The following CDKL1 variants were observed in gnomAD, a reference collection of about 807,000 sequenced individuals.
The protein encoded by CDKL1 is cyclin-dependent kinase-like 1.
A neutral mutation model predicts 42.0 loss-of-function variants in CDKL1; 41 were observed. The ratio of observed to expected loss-of-function variants is 0.98; its 90% CI spans 0.76 to 1.27. The LOEUF (loss-of-function observed/expected upper bound fraction) is 1.27. Among genes scored for constraint, CDKL1 ranks in the 50% most tolerant of loss-of-function variants. The pLI, the probability that CDKL1 is intolerant of heterozygous loss-of-function variation, is 0.00. For synonymous variants in CDKL1, 153 were observed against 158.6 expected (o/e 0.96, Z 0.26); for missense variants, 394 against 428.4 (o/e 0.92, Z 0.71).
intron 2 of CDKL1, among the ~76,000 whole-genome samples, chr14:50,390,710 C>T (rs781661305): frequency 6.6e-5 from 10 of 152,208 alleles, no homozygotes; most frequent in Non-Finnish European, 8.8e-5. Flanking sequence ...TGCCCCTTGC[C>T]GGACACACAG....
At position 50,341,148 on chromosome 14, in the gene CDKL1, C is replaced by T. The variant is rs1168735443; in HGVS notation, c.539G>A (p.Gly180Asp). ...AATTGCCCAAACATCCACCGGGGGG[C>T]CGTACTGCGTGTCCCCCACCAGCAG... ...PELLVGDTQY[G>D]PPVDVWAIGC... Residue 180 changes from glycine (G) to aspartate (D), a missense_variant, in exon 6 of 10, where the codon GGC becomes GAC. By Grantham distance (94) the Gly-to-Asp change is moderately conservative. Transcript: ENST00000395834. 6.2e-7 allele frequency: 1 copy of T among 1,614,158 alleles called. No homozygotes were observed. Among genetic ancestry groups the T allele is most frequent in the South Asian group, 1.1e-5 (1 of 91,084 alleles).
At chr14:50,344,496 G>A (rs1292127149) in intron 4 of CDKL1, among the ~76,000 whole-genome samples, 1 of 143,498 alleles carries the variant, frequency 7.0e-6, no homozygotes, top group Non-Finnish European at 1.5e-5. Context: ...TTGAGACAGG[G>A]TCTCATTCTG....
intron 2 of CDKL1, chr14:50,390,438 A>G (rs992200274): frequency 1.5e-6 from 2 of 1,300,554 alleles, no homozygotes; most frequent in African/African-American, 3.1e-5. Flanking sequence ...GTTCAGCAGC[A>G]TAGGGGCTTG....
intron 2 of CDKL1, among the ~76,000 whole-genome samples, chr14:50,393,633 C>G (rs1595385167): frequency 1.3e-5 from 2 of 152,306 alleles, no homozygotes; most frequent in Non-Finnish European, 2.9e-5. Flanking sequence ...CAGGCACGCA[C>G]CACCATGCCC....
At chr14:50,387,206 TA>T (rs34024517) in intron 2 of CDKL1, among the ~76,000 whole-genome samples, 116 of 80,820 alleles carry the variant, frequency 1.4e-3, no homozygotes, top group Non-Finnish European at 1.6e-3. Flanking sequence ...GACCCTGTCT[TA>T]AAAAAAAAAA....
chr14:50,384,957 G>C (rs2035029494), intron 2 of CDKL1, among the ~76,000 whole-genome samples: 2 of 151,596 alleles, frequency 1.3e-5, no homozygotes, highest in Admixed American at 6.6e-5. Flanking sequence ...TGTGATTCCA[G>C]CCACTCAGGA....
At chr14:50,385,719 G>A (rs750006318) in intron 2 of CDKL1, among the ~76,000 whole-genome samples, 6 of 148,206 alleles carry the variant, frequency 4.0e-5, no homozygotes, top group East Asian at 2.0e-4. Flanking sequence ...CACGAGAATC[G>A]CTTGAGCCCA....
At position 50,332,278 on chromosome 14, in the gene CDKL1, A is replaced by G; in HGVS notation, c.950T>C (p.Phe317Ser). The G allele has an allele frequency of 6.2e-7, 1 of 1,614,112 alleles. No individual in the cohort carries two copies. Among genetic ancestry groups the G allele is most frequent in the Non-Finnish European group, 8.5e-7 (1 of 1,180,008 alleles). Reference sequence around the variant, plus strand: ...AATTATAACCTTGGATGTTTCTGTAAAGCAGTGGTGCTTTCGGCTCTTTCT... The same window carrying G: ...AATTATAACCTTGGATGTTTCTGTAGAGCAGTGGTGCTTTCGGCTCTTTCT... ...TLRKSRKHHCFTETSKLQYLP... is the reference protein window; with the variant it reads ...TLRKSRKHHCSTETSKLQYLP... Residue 317 changes from phenylalanine to serine, a missense_variant, in exon 9 of 10, where the codon TTT becomes TCT. Physicochemically the swap from Phe to Ser is radical, Grantham distance 155 (BLOSUM62 -2). Transcript: ENST00000395834.
intron 2 of CDKL1, among the ~76,000 whole-genome samples, chr14:50,385,791 A>G (rs2035064023): frequency 7.0e-6 from 1 of 142,072 alleles, no homozygotes; most frequent in Non-Finnish European, 1.5e-5. Flanking sequence ...GCAACAGAGC[A>G]AGACTCCGTC....
At chr14:50,376,525 G>C in intron 2 of CDKL1, 1 of 287,708 alleles carries the variant, frequency 3.5e-6, no homozygotes, top group Non-Finnish European at 7.4e-6. Flanking sequence ...TATTATGCAG[G>C]TATTAAGAAA....
chr14:50,383,187 A>G (rs963413616), intron 2 of CDKL1, among the ~76,000 whole-genome samples: 1 of 150,904 alleles, frequency 6.6e-6, no homozygotes, highest in African/African-American at 2.4e-5. Flanking sequence ...TCGGCCTCCC[A>G]AAGTGCTGGA....
At chr14:50,348,432 C>A (rs1480782142) in intron 3 of CDKL1, among the ~76,000 whole-genome samples, 1 of 152,148 alleles carries the variant, frequency 6.6e-6, no homozygotes, top group South Asian at 2.1e-4. Flanking sequence ...ATTGTGGATA[C>A]CGTTCTGAAA....
At chr14:50,340,005 G>A (rs7151406) in intron 6 of CDKL1, among the ~76,000 whole-genome samples, 88,454 of 151,938 alleles carry the variant, frequency 0.58, 25,797 homozygotes, top group East Asian at 0.77. Context: ...GAGCAACCAA[G>A]ATATACCCTC....
intron 3 of CDKL1, among the ~76,000 whole-genome samples, chr14:50,347,199 T>A (rs2033755573): frequency 6.6e-6 from 1 of 152,218 alleles, no homozygotes; most frequent in African/African-American, 2.4e-5. Flanking sequence ...GTTTCTTTTC[T>A]GTAATGCAGA....
intron 2 of CDKL1, among the ~76,000 whole-genome samples, chr14:50,395,330 A>T (rs1026107298): frequency 6.6e-6 from 1 of 152,234 alleles, no homozygotes; most frequent in African/African-American, 2.4e-5. Context: ...ATGCCACCTT[A>T]CCTGGCACTT....
At chr14:50,390,477 T>C in intron 2 of CDKL1, 1 of 940,346 alleles carries the variant, frequency 1.1e-6, no homozygotes, top group Non-Finnish European at 1.4e-6. Context: ...TATTCTATTG[T>C]ATTACTTTGT....
intron 7 of CDKL1, among the ~76,000 whole-genome samples, chr14:50,338,292 A>G (rs1476265306): frequency 2.0e-5 from 3 of 151,960 alleles, no homozygotes; most frequent in Non-Finnish European, 2.9e-5. Context: ...GTGTGGTGCA[A>G]TATCGGCTCA....
At chr14:50,385,803 CAAAAAAAAA>C (rs4027866) in intron 2 of CDKL1, among the ~76,000 whole-genome samples, 1 of 77,558 alleles carries the variant, frequency 1.3e-5, no homozygotes, top group African/African-American at 4.8e-5. Context: ...GACTCCGTCC[CAAAAAAAAA>C]AAAAAAAAAA....
At chr14:50,385,946 T>G (rs1303669657) in intron 2 of CDKL1, among the ~76,000 whole-genome samples, 1 of 152,050 alleles carries the variant, frequency 6.6e-6, no homozygotes, top group Non-Finnish European at 1.5e-5. Flanking sequence ...TATGAGAAAT[T>G]TGAACATAGA....
Sources: gnomAD v4.1 joint callset for allele counts (sites outside exome capture counted in the v4.1 genomes callset) on GRCh38, gnomAD v4.1.1 for gene constraint, MANE v1.5 for transcripts, NCBI Gene and HGNC (gene_info 2026-07-23, HGNC 2026-07-21) for gene names.